Variants in NHSL1 observed in about 807,000 individuals in gnomAD.
NHSL1 encodes NHS-like protein 1.
NHSL1 carries 48 observed loss-of-function variants against 95.0 expected under a neutral mutation model. The observed-to-expected ratio is 0.51, with a 90% confidence interval of 0.40 to 0.64. NHSL1 has a LOEUF of 0.64. NHSL1 is among the 30% of genes least tolerant of loss of function. NHSL1 has a pLI of 0.00. For synonymous variants in NHSL1, 783 were observed against 833.9 expected (o/e 0.94, Z 1.05); for missense variants, 1,971 against 2,077.7 (o/e 0.95, Z 1.00).
chr6:138,650,727 A>T lies in NHSL1; in HGVS notation c.96+41749T>A. On this transcript the variant is annotated intron_variant, in intron 1 of 3. Transcript: ENST00000491526. The stretch of plus-strand genomic sequence containing the variant: ...CAACATGCGGGACACGCACTGCATC[A>T]TTATCCCATAGGAGGTCTCCTTCAC... The T allele has an allele frequency of 5.5e-6, 3 of 546,540 alleles. No homozygotes were observed. The Middle Eastern group carries it at 9.4e-4, about 171-fold the overall frequency. 33.9% of individuals were successfully genotyped at this position (546,540 alleles called of 1,614,324 possible).
chr6:138,455,699 A>G (rs1777566010), intron 3 of NHSL1, among the ~76,000 whole-genome samples: 1 of 152,244 alleles, frequency 6.6e-6, no homozygotes, highest in South Asian at 2.1e-4. Flanking sequence ...GTGGAAAATA[A>G]GATCTAATTT....
chr6:138,500,952 G>T (rs755582285), upstream of NHSL1, among the ~76,000 whole-genome samples: 13 of 152,206 alleles, frequency 8.5e-5, no homozygotes, highest in Non-Finnish European at 1.8e-4. Context: ...GACTGAGCCT[G>T]TAAGTCAGAT....
intron 2 of NHSL1, among the ~76,000 whole-genome samples, chr6:138,480,945 T>C (rs1375978887): frequency 6.6e-6 from 1 of 152,220 alleles, no homozygotes; most frequent in Non-Finnish European, 1.5e-5. Context: ...TCTTACAGAT[T>C]CTGAAGCCCA....
chr6:138,427,047 C>A (rs1447184704), intron 7 of NHSL1, among the ~76,000 whole-genome samples: 2 of 152,186 alleles, frequency 1.3e-5, no homozygotes, highest in Admixed American at 1.3e-4. Flanking sequence ...CACATGGCCT[C>A]ACCACTTACA....
intron 4 of NHSL1, among the ~76,000 whole-genome samples, chr6:138,444,577 A>G (rs1277688799): frequency 7.2e-6 from 1 of 139,700 alleles, no homozygotes; most frequent in Non-Finnish European, 1.6e-5. Flanking sequence ...TGAAATCGCC[A>G]TTTTTTTTTT....
chr6:138,543,506 GA>G (rs1482108234), intron 1 of NHSL1, among the ~76,000 whole-genome samples: 2 of 152,316 alleles, frequency 1.3e-5, no homozygotes, highest in Non-Finnish European at 2.9e-5. Flanking sequence ...GAAGCGATCT[GA>G]TTTAAATATT....
At chr6:138,571,769 C>G in exon 1 of NHSL1, 1 of 1,552,334 alleles carries the variant, frequency 6.4e-7, no homozygotes, top group Non-Finnish European at 8.7e-7. Flanking sequence ...CTGCTGCCCA[C>G]AAACCGAGAG....
chr6:138,476,115 A>G lies in NHSL1; in HGVS notation c.212-2682T>C, dbSNP rs928106889. ...TTCTCAAAGAACTAAAAATAGAATGACCATTCAACCCAGCAATCCCACTAC... is the reference window on the plus strand; with the variant it reads ...TTCTCAAAGAACTAAAAATAGAATGGCCATTCAACCCAGCAATCCCACTAC... On this transcript the variant is annotated intron_variant, in intron 2 of 7. Transcript: ENST00000343505. Among the ~76,000 whole-genome samples, 7 of 152,220 alleles carry G rather than the reference A, an allele frequency of 4.6e-5. No individual in the cohort carries two copies. The East Asian group carries it at 5.8e-4, about 13-fold the overall frequency.
At chr6:138,640,742 C>T (rs1339639367) in intron 1 of NHSL1, among the ~76,000 whole-genome samples, 1 of 152,122 alleles carries the variant, frequency 6.6e-6, no homozygotes, top group Non-Finnish European at 1.5e-5. Context: ...CAAAGTTATA[C>T]AAAGATTTTC....
intron 1 of NHSL1, among the ~76,000 whole-genome samples, chr6:138,665,598 T>C (rs888104992): frequency 6.6e-6 from 1 of 152,262 alleles, no homozygotes; most frequent in African/African-American, 2.4e-5. Context: ...TGAATGAATG[T>C]TGAACACAAT....
intron 1 of NHSL1, among the ~76,000 whole-genome samples, chr6:138,583,870 G>C (rs957862629): frequency 2.6e-5 from 4 of 152,126 alleles, no homozygotes; most frequent in Non-Finnish European, 5.9e-5. Flanking sequence ...AGGCCAAGGT[G>C]GGAGGATCAC....
At chr6:138,562,473 G>A (rs966249197) in intron 1 of NHSL1, among the ~76,000 whole-genome samples, 3 of 151,934 alleles carry the variant, frequency 2.0e-5, no homozygotes, top group Non-Finnish European at 4.4e-5. Flanking sequence ...ATGGTGAAAC[G>A]CCATCTCTAC....
At chr6:138,557,604 T>G (rs142177133) in intron 1 of NHSL1, among the ~76,000 whole-genome samples, 3 of 152,232 alleles carry the variant, frequency 2.0e-5, no homozygotes, top group Non-Finnish European at 4.4e-5. Context: ...TCAGCGGCCA[T>G]CAGGGCATCA....
At chr6:138,565,094 T>C (rs181539487) in intron 1 of NHSL1, among the ~76,000 whole-genome samples, 3 of 152,110 alleles carry the variant, frequency 2.0e-5, no homozygotes, top group Admixed American at 2.0e-4. Flanking sequence ...ATCCAGTTGT[T>C]TTTGTGGGTT....
In NHSL1 at chr6:138,430,763, G is replaced by C; in HGVS notation, c.3582C>G (p.Pro1194=). Residue 1194 remains proline (P), a synonymous_variant, in exon 6 of 8, where the codon CCC becomes CCG. Coordinates refer to ENST00000343505, the MANE Select transcript of NHSL1 (RefSeq NM_001144060.2). This position sits in a 1 kb window ranked among gnomAD's most constrained non-coding sequence, Gnocchi z 4.7. The part of the protein sequence containing the change: ...PDSSPSRKPP[P]ISKKPKLFLV... Reference sequence around the variant, plus strand: ...GGAACAGTTTGGGCTTCTTGGAAATGGGGGGTGGCTTCCTGCTGGGTGAAG... The same window carrying C: ...GGAACAGTTTGGGCTTCTTGGAAATCGGGGGTGGCTTCCTGCTGGGTGAAG... The C allele has an allele frequency of 1.3e-6, 2 of 1,551,710 alleles. No homozygotes were observed. The highest frequency in any genetic ancestry group is 1.7e-6 in the Non-Finnish European group (2 of 1,146,996).
At chr6:138,562,270 A>G (rs1445752948) in intron 1 of NHSL1, among the ~76,000 whole-genome samples, 1 of 152,262 alleles carries the variant, frequency 6.6e-6, no homozygotes, top group Non-Finnish European at 1.5e-5. Flanking sequence ...TAGAAAAAGT[A>G]TAACTATACA....
upstream of NHSL1, among the ~76,000 whole-genome samples, chr6:138,504,390 T>C (rs1780851216): frequency 1.3e-5 from 2 of 152,152 alleles, no homozygotes; most frequent in South Asian, 4.1e-4. Context: ...AATGATGATA[T>C]AAAGATTAAG....
intron 1 of NHSL1, among the ~76,000 whole-genome samples, chr6:138,498,705 C>CT (rs1780501678): frequency 6.6e-6 from 1 of 152,208 alleles, no homozygotes; most frequent in Non-Finnish European, 1.5e-5. Context: ...ACAACAATCA[C>CT]TGATCAGTCT....
chr6:138,689,204 A>G (rs1181351265), intron 1 of NHSL1, among the ~76,000 whole-genome samples: 1 of 152,220 alleles, frequency 6.6e-6, no homozygotes, highest in African/African-American at 2.4e-5. Context: ...TAAGCTCTAG[A>G]AAAACAAAGA....
Sources: gnomAD v4.1 joint callset for allele counts (sites outside exome capture counted in the v4.1 genomes callset) on GRCh38, gnomAD v4.1.1 for gene constraint, Gnocchi (gnomAD v3.1) non-coding constraint, MANE v1.5 for transcripts, NCBI Gene and HGNC (gene_info 2026-07-23, HGNC 2026-07-21) for gene names.